Variants in FBXO47 observed in about 807,000 individuals in gnomAD.
The protein encoded by FBXO47 is F-box only protein 47.
Under a neutral mutation model 53.9 loss-of-function variants are expected in FBXO47, and 34 were observed. The ratio of observed to expected loss-of-function variants is 0.63; its 90% CI spans 0.48 to 0.84. The LOEUF is 0.84. FBXO47 is among the 40% of genes least tolerant of loss of function. FBXO47 has a pLI of 0.00. For synonymous variants in FBXO47, 165 were observed against 181.6 expected (o/e 0.91, Z 0.73); for missense variants, 485 against 541.3 (o/e 0.90, Z 1.03).
At chr17:38,966,674 AAAAT>A (rs1213298082) in intron 1 of FBXO47, among the ~76,000 whole-genome samples, 1 of 152,194 alleles carries the variant, frequency 6.6e-6, no homozygotes, top group Non-Finnish European at 1.5e-5. Context: ...ATACATGTTT[AAAAT>A]AAATATAAAC....
At chr17:38,963,305 G>A (rs1224279592) in intron 1 of FBXO47, among the ~76,000 whole-genome samples, 1 of 152,034 alleles carries the variant, frequency 6.6e-6, no homozygotes, top group East Asian at 1.9e-4. Flanking sequence ...AGCCTCCTAA[G>A]TAGCTGGGAT....
chr17:38,939,827 C>T (rs1904429654), intron 9 of FBXO47, among the ~76,000 whole-genome samples: 1 of 150,212 alleles, frequency 6.7e-6, no homozygotes, highest in African/African-American at 2.5e-5. Flanking sequence ...GCCACCGCGC[C>T]CGGCTAATTT....
chr17:38,962,965 T>G lies in FBXO47; in HGVS notation c.61A>C (p.Asn21His). The change falls in exon 2 of 11, where the codon AAT becomes CAT. Residue 21 changes from asparagine (N) to histidine (H), a missense_variant. Physicochemically the swap from Asn to His is moderately conservative, Grantham distance 68. Coordinates refer to ENST00000378079, the MANE Select transcript of FBXO47 (RefSeq NM_001008777.3). ...TTGGAATAACAGCTGGTTTGACGAT[T>G]ACTACGTCTAAGTTTCTGGTTGGGA... ...LIPNQKLRRS[N>H]RQTSCYSKTL... 1 of 1,612,980 alleles carries G rather than the reference T, an allele frequency of 6.2e-7. No homozygotes were observed. The highest frequency in any genetic ancestry group is 8.5e-7 in the Non-Finnish European group (1 of 1,179,188).
chr17:38,952,005 C>T (rs906144699), intron 5 of FBXO47, among the ~76,000 whole-genome samples: 3 of 151,920 alleles, frequency 2.0e-5, no homozygotes, highest in Non-Finnish European at 4.4e-5. Context: ...CCAGCCTGGG[C>T]GACAAGAGCA....
chr17:38,939,029 C>T (rs1018466838), intron 9 of FBXO47, among the ~76,000 whole-genome samples: 2 of 151,948 alleles, frequency 1.3e-5, no homozygotes, highest in African/African-American at 2.4e-5. Flanking sequence ...CACGCTGGCT[C>T]ATGCCTGTAA....
chr17:38,953,374 C>T (rs558774798), intron 5 of FBXO47, among the ~76,000 whole-genome samples: 13 of 150,144 alleles, frequency 8.7e-5, no homozygotes, highest in African/African-American at 2.2e-4. Context: ...TCTGTAATCC[C>T]AGCACTTTGG....
chr17:38,962,708 T>A (rs1905874121), intron 2 of FBXO47, 137 bp downstream of exon 2: 1 of 433,434 alleles, frequency 2.3e-6, no homozygotes, highest in East Asian at 3.7e-5. Flanking sequence ...AATGAAACTT[T>A]AGAAAATAAA....
chr17:38,939,793 G>A (rs1451654193), intron 9 of FBXO47, among the ~76,000 whole-genome samples: 1 of 145,716 alleles, frequency 6.9e-6, no homozygotes, highest in Non-Finnish European at 1.5e-5. Context: ...TCAGCCTCCC[G>A]AGTAGCTGGG....
Position 38,957,231 on chromosome 17 carries a change from T to C in FBXO47, c.375A>G (p.Thr125=). Residue 125 remains threonine (T), a synonymous_variant, in exon 4 of 11, where the codon ACA becomes ACG. Coordinates refer to ENST00000378079, the MANE Select transcript of FBXO47 (RefSeq NM_001008777.3). ...RSLGLLFKRC[T]LLLPTKERLK... ...GCCTTTCCTTGGTGGGTAGCAGCAA[T>C]GTGCATCTTTTAAACAGTAGACCTA... 6.2e-7 allele frequency: 1 copy of C among 1,611,558 alleles called. No homozygotes were observed. The highest frequency in any genetic ancestry group is 1.1e-5 in the South Asian group (1 of 91,012).
chr17:38,957,900 C>G (rs951236194), intron 3 of FBXO47, among the ~76,000 whole-genome samples: 1 of 151,940 alleles, frequency 6.6e-6, no homozygotes, highest in African/African-American at 2.4e-5. Flanking sequence ...GTGGCGTGAT[C>G]TCCGCTCACT....
Position 38,945,111 on chromosome 17 carries a change from T to A in FBXO47, c.642A>T (p.Arg214Ser), listed in dbSNP as rs767110860. 1 of 1,613,072 alleles carries A rather than the reference T, an allele frequency of 6.2e-7. No homozygotes were observed. Among genetic ancestry groups the A allele is most frequent in the East Asian group, 2.2e-5 (1 of 44,860 alleles). The change falls in exon 7 of 11, where the codon AGA becomes AGT. Residue 214 changes from arginine (R) to serine (S), a missense_variant. Arg to Ser is a moderately radical substitution (Grantham distance 110). Transcript: ENST00000378079. The part of the protein sequence containing the change: ...KPGSAQKLEL[R>S]IRLFCRNVLL... Reference sequence around the variant, plus strand: ...GGACATTCCTACAGAAGAGTCTGATTCTTAACTCCAGTTTTTGGGCACTTC... The same window carrying A: ...GGACATTCCTACAGAAGAGTCTGATACTTAACTCCAGTTTTTGGGCACTTC...
At chr17:38,946,242 A>G (rs1415919380) in intron 6 of FBXO47, among the ~76,000 whole-genome samples, 3 of 109,590 alleles carry the variant, frequency 2.7e-5, no homozygotes, top group African/African-American at 7.5e-5. Flanking sequence ...ATACAAATAT[A>G]TATAAATATA....
chr17:38,946,397 T>C lies in FBXO47; in HGVS notation c.617-1261A>G, dbSNP rs1407508028. 5.9e-4 allele frequency among the ~76,000 whole-genome samples: 34 copies of C among 57,984 alleles called. 1 individual carries two copies. The highest frequency in any genetic ancestry group is 8.1e-4 in the Non-Finnish European group (28 of 34,408). 38.0% of individuals were successfully genotyped at this position (57,984 alleles called of 152,430 possible). A position where few individuals can be genotyped will look rare whatever the true frequency, so the allele number is the denominator to read the frequency against. ...ATATATATAAATATATATATCTATA[T>C]ATAAATATATAGATATATATATAAC... On this transcript the variant is annotated intron_variant, in intron 6 of 10. Transcript: ENST00000378079.
intron 10 of FBXO47, among the ~76,000 whole-genome samples, chr17:38,937,915 G>T (rs189606125): frequency 3.5e-4 from 53 of 152,210 alleles, no homozygotes; most frequent in African/African-American, 1.2e-3. Context: ...TGATCCACCC[G>T]CCTCGGCCTC....
intron 6 of FBXO47, among the ~76,000 whole-genome samples, chr17:38,946,299 TATATATAA>T (rs1444437999): frequency 1.4e-4 from 7 of 50,126 alleles, no homozygotes; most frequent in South Asian, 9.2e-4. Flanking sequence ...TATATAAAAA[TATATATAA>T]ATATATAAAT....
In FBXO47 at chr17:38,959,604, G is replaced by T. The variant is rs868204021; in HGVS notation, c.352+2273C>A. Among the ~76,000 whole-genome samples the T allele has an allele frequency of 6.1e-3, 672 of 110,242 alleles. 7 individuals are homozygous for T. Among genetic ancestry groups the T allele is most frequent in the African/African-American group, 0.022 (595 of 27,094 alleles). 72.3% of individuals were successfully genotyped at this position (110,242 alleles called of 152,430 possible). ...CAAAAAAAAAAAAAAAAAAAAAAAAGAAAATTATTCTTCAAAGCATTGTGT... is the reference window on the plus strand; with the variant it reads ...CAAAAAAAAAAAAAAAAAAAAAAAATAAAATTATTCTTCAAAGCATTGTGT... On this transcript the variant is annotated intron_variant, in intron 3 of 10. Transcript: ENST00000378079.
At chr17:38,959,623 A>AG (rs71352329) in intron 3 of FBXO47, among the ~76,000 whole-genome samples, 2 of 108,296 alleles carry the variant, frequency 1.8e-5, no homozygotes, top group Non-Finnish European at 3.6e-5. Flanking sequence ...TCTTCAAAGC[A>AG]TTGTGTGTGT....
chr17:38,942,741 T>TA, intron 9 of FBXO47, 37 bp downstream of exon 9: 5 of 1,584,312 alleles, frequency 3.2e-6, no homozygotes, highest in Non-Finnish European at 4.3e-6. Flanking sequence ...ATTGTAGTGT[T>TA]AAAAAACTTG....
At chr17:38,961,663 C>A (rs1475281035) in intron 3 of FBXO47, among the ~76,000 whole-genome samples, 2 of 152,158 alleles carry the variant, frequency 1.3e-5, no homozygotes, top group Non-Finnish European at 2.9e-5. Flanking sequence ...TATATGAAAT[C>A]TCAAGAATTG....
Sources: allele counts gnomAD v4.1 joint callset (sites outside exome capture counted in the v4.1 genomes callset), GRCh38; gene constraint gnomAD v4.1.1; transcripts MANE v1.5; gene names NCBI Gene and HGNC (gene_info 2026-07-23, HGNC 2026-07-21).